The following ERC1 variants were observed in gnomAD, a reference collection of about 807,000 sequenced individuals.
ERC1 encodes ELKS/RAB6-interacting/CAST family member 1, also known as RAB6 interacting protein 2.
In ERC1, 56 loss-of-function variants were observed where a neutral mutation model predicts 132.0. That is an observed-to-expected ratio of 0.42 (90% confidence interval 0.34 to 0.53). The LOEUF is 0.53. Ranked by LOEUF, ERC1 falls within the 20% of genes least tolerant of loss-of-function variation. The pLI, the probability that ERC1 is intolerant of heterozygous loss-of-function variation, is 0.03. For synonymous variants in ERC1, 478 were observed against 476.1 expected, an observed-to-expected ratio of 1.00 and a Z score of -0.05; for missense variants, 1,202 against 1,349.9, an observed-to-expected ratio of 0.89 and a Z score of 1.72.
chr12:1,257,749 A>G (rs966700355), intron 13 of ERC1, among the ~76,000 whole-genome samples: 6 of 152,200 alleles, frequency 3.9e-5, no homozygotes, highest in Non-Finnish European at 8.8e-5. Context: ...AACTAGTGCC[A>G]CATTCTCCAG....
At chr12:1,094,149 G>C (rs1374780880) in intron 3 of ERC1, among the ~76,000 whole-genome samples, 2 of 149,372 alleles carry the variant, frequency 1.3e-5, no homozygotes, top group Non-Finnish European at 3.0e-5. Flanking sequence ...CTCCTGAGTA[G>C]CTGGGACTAC....
intron 12 of ERC1, among the ~76,000 whole-genome samples, chr12:1,235,415 A>G (rs2075347116): frequency 1.3e-5 from 2 of 152,254 alleles, no homozygotes; most frequent in African/African-American, 2.4e-5. Flanking sequence ...ATCATAGACT[A>G]GAAGAAAATA....
At chr12:1,264,839 G>T (rs940765125) in intron 14 of ERC1, among the ~76,000 whole-genome samples, 1 of 152,086 alleles carries the variant, frequency 6.6e-6, no homozygotes, top group African/African-American at 2.4e-5. Context: ...TCAGACCAAG[G>T]TGTTATTTTG....
intron 8 of ERC1, 50 bp downstream of exon 8, chr12:1,141,837 A>G: frequency 7.6e-7 from 1 of 1,317,684 alleles, no homozygotes; most frequent in Non-Finnish European, 1.0e-6. Flanking sequence ...ATACATCTTC[A>G]CTCCTACCAC....
intron 13 of ERC1, among the ~76,000 whole-genome samples, chr12:1,240,705 A>T (rs1394809904): frequency 2.0e-5 from 3 of 152,108 alleles, no homozygotes; most frequent in African/African-American, 7.2e-5. Flanking sequence ...TTGGTCGTAT[A>T]CCTTTGCTTT....
intron 5 of ERC1, among the ~76,000 whole-genome samples, chr12:1,111,336 T>C (rs1945835714): frequency 6.6e-6 from 1 of 152,216 alleles, no homozygotes; most frequent in African/African-American, 2.4e-5. Context: ...AACATTATGA[T>C]TGTAATTATA....
intron 1 of ERC1, among the ~76,000 whole-genome samples, chr12:1,010,020 C>G (rs1261694445): frequency 6.6e-6 from 1 of 152,092 alleles, no homozygotes; most frequent in African/African-American, 2.4e-5. Context: ...TTGGATACTT[C>G]TAAATTTATG....
intron 15 of ERC1, among the ~76,000 whole-genome samples, chr12:1,299,322 G>A (rs558724779): frequency 2.6e-5 from 4 of 152,190 alleles, no homozygotes; most frequent in Non-Finnish European, 5.9e-5. Flanking sequence ...ATATGCTAAA[G>A]TTGTTCTCTA....
intron 15 of ERC1, among the ~76,000 whole-genome samples, chr12:1,309,361 G>A (rs1020105002): frequency 6.6e-6 from 1 of 152,218 alleles, no homozygotes; most frequent in Non-Finnish European, 1.5e-5. Flanking sequence ...TCCCTGGGGT[G>A]CTGCAGTGCA....
intron 8 of ERC1, among the ~76,000 whole-genome samples, chr12:1,168,766 C>A (rs897403723): frequency 6.6e-6 from 1 of 152,068 alleles, no homozygotes; most frequent in South Asian, 2.1e-4. Context: ...AGATTATAGG[C>A]GTGAGCCATC....
chr12:1,211,876 A>T (rs1001879180), intron 12 of ERC1, among the ~76,000 whole-genome samples: 1 of 152,058 alleles, frequency 6.6e-6, no homozygotes, highest in Non-Finnish European at 1.5e-5. Context: ...GGCCATAATC[A>T]GTTCTATACA....
chr12:1,364,225 A>G lies in ERC1; in HGVS notation c.2781-7608A>G, dbSNP rs534806889. Among the ~76,000 whole-genome samples, 129 of 152,314 alleles carry G rather than the reference A, an allele frequency of 8.5e-4. 2 individuals are homozygous for G. Among genetic ancestry groups the G allele is most frequent in the Middle Eastern group, 3.4e-3 (1 of 294 alleles). ...ATTCTTTAGGAACTGTTTTTGTAATATAAGATTTTTACTTCTAACACATCT... is the reference window on the plus strand; with the variant it reads ...ATTCTTTAGGAACTGTTTTTGTAATGTAAGATTTTTACTTCTAACACATCT... On this transcript the variant is annotated intron_variant, in intron 15 of 18. Transcript: ENST00000360905.
chr12:1,479,878 G>A (rs563646888), intron 18 of ERC1, among the ~76,000 whole-genome samples: 42 of 152,220 alleles, frequency 2.8e-4, no homozygotes, highest in African/African-American at 8.4e-4. Context: ...CGGAGCTGTC[G>A]TGAGCCGTGC....
At chr12:1,077,003 T>G (rs1267505896) in intron 2 of ERC1, among the ~76,000 whole-genome samples, 1 of 152,220 alleles carries the variant, frequency 6.6e-6, no homozygotes, top group African/African-American at 2.4e-5. Context: ...AAGCTTGACT[T>G]GGTTGACTTA....
At chr12:1,264,556 C>T (rs1360433253) in intron 14 of ERC1, among the ~76,000 whole-genome samples, 2 of 151,838 alleles carry the variant, frequency 1.3e-5, no homozygotes, top group East Asian at 1.9e-4. Flanking sequence ...CCCAGCTACT[C>T]GGGAGGCTGA....
chr12:1,165,016 G>T (rs1593870495), intron 8 of ERC1, among the ~76,000 whole-genome samples: 1 of 152,164 alleles, frequency 6.6e-6, no homozygotes, highest in South Asian at 2.1e-4. Context: ...AAACCAGAAA[G>T]AATTCTGAAC....
chr12:1,071,530 T>C (rs572614590), intron 2 of ERC1, among the ~76,000 whole-genome samples: 2 of 149,092 alleles, frequency 1.3e-5, no homozygotes, highest in African/African-American at 5.0e-5. Flanking sequence ...ATCTAAGTCT[T>C]CTACCCACTT....
chr12:1,108,983 A>C (rs950510710), intron 4 of ERC1, among the ~76,000 whole-genome samples: 2 of 152,210 alleles, frequency 1.3e-5, no homozygotes, highest in Non-Finnish European at 2.9e-5. Context: ...AAAGGAGTTA[A>C]TTTCAAAATA....
chr12:1,125,243 C>T (rs1948030088), intron 7 of ERC1, among the ~76,000 whole-genome samples: 1 of 152,006 alleles, frequency 6.6e-6, no homozygotes, highest in Non-Finnish European at 1.5e-5. Flanking sequence ...ATCTGCCCAC[C>T]TTGGCCTCCC....
Sources: allele counts gnomAD v4.1 joint callset (sites outside exome capture counted in the v4.1 genomes callset), GRCh38; gene constraint gnomAD v4.1.1; transcripts MANE v1.5; gene names NCBI Gene and HGNC (gene_info 2026-07-23, HGNC 2026-07-21).